B3GALT1: variants seen among roughly 807,000 people sequenced by gnomAD.
B3GALT1 encodes UDP-Gal:betaGlcNAc beta 1,3-galactosyltransferase, polypeptide 1.
In B3GALT1, 10 loss-of-function variants were observed where a neutral mutation model predicts 23.2. The observed-to-expected ratio is 0.43, with a 90% CI of 0.27 to 0.73. The LOEUF (loss-of-function observed/expected upper bound fraction) is 0.73, where lower values mean the gene tolerates loss of function less well. Ranked by LOEUF, B3GALT1 falls within the 30% of genes least tolerant of loss-of-function variation. The pLI is 0.21. For synonymous variants in B3GALT1, 156 were observed against 141.5 expected (o/e 1.10, Z -0.73); for missense variants, 299 against 405.4 (o/e 0.74, Z 2.25).
intron 1 of B3GALT1, among the ~76,000 whole-genome samples, chr2:167,456,038 G>T (rs1399986520): frequency 6.6e-6 from 1 of 152,152 alleles, no homozygotes; most frequent in Non-Finnish European, 1.5e-5. Flanking sequence ...CCCTGTATTA[G>T]TCTGTTCTGC....
chr2:167,845,944 T>C (rs1269345220), intron 4 of B3GALT1, among the ~76,000 whole-genome samples: 1 of 152,126 alleles, frequency 6.6e-6, no homozygotes, highest in Admixed American at 6.5e-5. Flanking sequence ...GATACAATTA[T>C]AGAATGCAAA....
chr2:167,562,358 T>C (rs1457713889), intron 2 of B3GALT1, among the ~76,000 whole-genome samples: 8 of 152,158 alleles, frequency 5.3e-5, no homozygotes, highest in Non-Finnish European at 1.0e-4. Flanking sequence ...TCATACTGAA[T>C]TGGCAAAAAC....
At chr2:167,781,593 G>A (rs1251392688) in intron 3 of B3GALT1, among the ~76,000 whole-genome samples, 1 of 152,202 alleles carries the variant, frequency 6.6e-6, no homozygotes, top group East Asian at 1.9e-4. Context: ...AAAGTTTGGT[G>A]TTATTTCCTC....
intron 4 of B3GALT1, among the ~76,000 whole-genome samples, chr2:167,836,218 G>A (rs1216377241): frequency 2.4e-4 from 37 of 152,244 alleles, no homozygotes; most frequent in African/African-American, 7.5e-4. Flanking sequence ...GGCTTCAGAC[G>A]ATCAAACTAC....
rs536690400 is a variant in B3GALT1, at chr2:167,692,523, T to C, written c.-352+45557T>C. On this transcript the variant is annotated intron_variant, in intron 3 of 4. Coordinates refer to ENST00000392690, the MANE Select transcript of B3GALT1 (RefSeq NM_020981.4). ...ATGCATACTCATTTTTAAAAAATTT[T>C]AGAGCTCAGCACAATTCCCCCTTAT... is the stretch of plus-strand genomic sequence containing the variant. 1.2e-4 allele frequency among the ~76,000 whole-genome samples: 19 copies of C among 152,266 alleles called. No individual in the cohort carries two copies. In the South Asian group the frequency reaches 3.5e-3, roughly 28 times the overall value.
chr2:167,680,877 A>G (rs1182188779), intron 3 of B3GALT1, among the ~76,000 whole-genome samples: 1 of 152,220 alleles, frequency 6.6e-6, no homozygotes, highest in Non-Finnish European at 1.5e-5. Context: ...TAAGTTGCTC[A>G]TATTTGCAAA....
chr2:167,567,902 C>T (rs772166506), intron 2 of B3GALT1, among the ~76,000 whole-genome samples: 4 of 152,078 alleles, frequency 2.6e-5, no homozygotes, highest in Non-Finnish European at 5.9e-5. Context: ...TCCTCACTCC[C>T]CCTTAGCCCC....
At chr2:167,539,308 A>G (rs573966899) in intron 2 of B3GALT1, among the ~76,000 whole-genome samples, 2 of 152,300 alleles carry the variant, frequency 1.3e-5, no homozygotes, top group African/African-American at 4.8e-5. Flanking sequence ...AATGAAAAAA[A>G]TCTTTGTAAT....
intron 3 of B3GALT1, among the ~76,000 whole-genome samples, chr2:167,709,365 G>A (rs1687016647): frequency 6.6e-6 from 1 of 152,188 alleles, no homozygotes; most frequent in Non-Finnish European, 1.5e-5. Context: ...CTGAATTTTG[G>A]ATGAGGTGAG....
Position 167,840,124 on chromosome 2 carries a change from G to T in B3GALT1, c.-230+21331G>T, listed in dbSNP as rs538864104. ...CATTCAGGACATAGGCAGGGGCAAG[G>T]ACTTCATGTCTAAAACACCAAAAGC... On this transcript the variant is annotated intron_variant, in intron 4 of 4. Coordinates refer to ENST00000392690, the MANE Select transcript of B3GALT1 (RefSeq NM_020981.4). 2.0e-4 allele frequency among the ~76,000 whole-genome samples: 30 copies of T among 152,238 alleles called. No homozygotes were observed. The East Asian group carries it at 5.8e-3, about 29-fold the overall frequency.
At position 167,535,762 on chromosome 2, in the gene B3GALT1, A is replaced by G. The variant is rs372493804; in HGVS notation, c.-410+45485A>G. On this transcript the variant is annotated intron_variant, in intron 2 of 4. Coordinates refer to ENST00000392690, the MANE Select transcript of B3GALT1 (RefSeq NM_020981.4). ...AAAAAATGTGGTTTTTATCATTTCT[A>G]TTGAAAAACTCCTGTTACATAGAAT... is the stretch of plus-strand genomic sequence containing the variant. 3.6e-4 allele frequency among the ~76,000 whole-genome samples: 55 copies of G among 152,266 alleles called. No individual in the cohort carries two copies. In the East Asian group the frequency reaches 6.2e-3, roughly 17 times the overall value.
chr2:167,833,804 T>A (rs926414565), intron 4 of B3GALT1, among the ~76,000 whole-genome samples: 1 of 152,186 alleles, frequency 6.6e-6, no homozygotes, highest in Non-Finnish European at 1.5e-5. Flanking sequence ...TATGATCAGA[T>A]CTGAGTACAA....
chr2:167,473,006 G>T (rs914534090), intron 1 of B3GALT1, among the ~76,000 whole-genome samples: 8 of 152,020 alleles, frequency 5.3e-5, no homozygotes, highest in African/African-American at 1.9e-4. Context: ...CTGAATTTGG[G>T]TACTTAATTA....
intron 3 of B3GALT1, among the ~76,000 whole-genome samples, chr2:167,678,751 A>G (rs1043780821): frequency 1.3e-5 from 2 of 152,240 alleles, no homozygotes. Context: ...TGCAGCTCAA[A>G]TGGTAATCAA....
At chr2:167,606,232 T>C (rs1684959693) in intron 2 of B3GALT1, among the ~76,000 whole-genome samples, 1 of 152,202 alleles carries the variant, frequency 6.6e-6, no homozygotes, top group Non-Finnish European at 1.5e-5. Context: ...CGCTAAGTTT[T>C]TCAATTATGT....
chr2:167,620,275 C>A (rs181258487), intron 2 of B3GALT1, among the ~76,000 whole-genome samples: 1 of 152,098 alleles, frequency 6.6e-6, no homozygotes, highest in East Asian at 1.9e-4. Context: ...ATATGGCTAA[C>A]CCATAAATAC....
At chr2:167,419,641 A>G (rs140219256) in intron 1 of B3GALT1, among the ~76,000 whole-genome samples, 1 of 152,222 alleles carries the variant, frequency 6.6e-6, no homozygotes, top group African/African-American at 2.4e-5. Flanking sequence ...ATCATCATTC[A>G]TACCCAAATA....
intron 3 of B3GALT1, among the ~76,000 whole-genome samples, chr2:167,648,310 T>C (rs1015613883): frequency 1.3e-5 from 2 of 152,164 alleles, no homozygotes; most frequent in African/African-American, 4.8e-5. Flanking sequence ...AGAACTTCGT[T>C]GATCTAGTCC....
chr2:167,840,946 A>T (rs1446728482), intron 4 of B3GALT1, among the ~76,000 whole-genome samples: 1 of 147,710 alleles, frequency 6.8e-6, no homozygotes, highest in Non-Finnish European at 1.5e-5. Flanking sequence ...AACACCGCAT[A>T]TTCTCACTCA....
Sources: gnomAD v4.1 joint callset for allele counts (sites outside exome capture counted in the v4.1 genomes callset) on GRCh38, gnomAD v4.1.1 for gene constraint, MANE v1.5 for transcripts, NCBI Gene and HGNC (gene_info 2026-07-23, HGNC 2026-07-21) for gene names.